Variants in PLA2G5 observed in about 807,000 individuals in gnomAD.
The protein encoded by PLA2G5 is phospholipase A2 group V.
A neutral mutation model predicts 15.9 loss-of-function variants in PLA2G5; 12 were observed. That is an observed-to-expected ratio of 0.76 (90% CI 0.48 to 1.23). The LOEUF is 1.23. Among genes scored for constraint, PLA2G5 ranks in the 50% most tolerant of loss-of-function variants. The pLI is 0.00. For synonymous variants in PLA2G5, 71 were observed against 71.4 expected (o/e 0.99, Z 0.03); for missense variants, 169 against 177.1 (o/e 0.95, Z 0.26).
intron 2 of PLA2G5, chr1:20,063,379 A>T (rs2014840368): frequency 6.6e-6 from 1 of 152,104 alleles, no homozygotes; most frequent in South Asian, 2.1e-4. Context: ...CTCCAGTCAA[A>T]TGTCTCTGAG....
chr1:20,074,557 G>GATT (rs1171285332), intron 1 of PLA2G5, among the ~76,000 whole-genome samples: 5 of 152,186 alleles, frequency 3.3e-5, no homozygotes, highest in African/African-American at 4.8e-5. Context: ...AACACTTAAA[G>GATT]ATTAAGTTCC....
intron 1 of PLA2G5, among the ~76,000 whole-genome samples, chr1:20,078,442 T>C (rs568890437): frequency 2.9e-4 from 44 of 152,054 alleles, no homozygotes; most frequent in African/African-American, 1.0e-3. Context: ...GGGAAGAAAC[T>C]GGTTGAGAAG....
chr1:20,072,221 G>C (rs780142971), intron 1 of PLA2G5, among the ~76,000 whole-genome samples: 4 of 151,898 alleles, frequency 2.6e-5, no homozygotes, highest in African/African-American at 9.7e-5. Context: ...CCATTTCATC[G>C]ATCACCACCT....
At chr1:20,051,467 C>G (rs1332370252) in intron 1 of PLA2G5, among the ~76,000 whole-genome samples, 1 of 152,140 alleles carries the variant, frequency 6.6e-6, no homozygotes, top group African/African-American at 2.4e-5. Context: ...TTTTCAGAGT[C>G]AAGGACAATT....
At chr1:20,071,377 C>T (rs1442307733) in intron 1 of PLA2G5, among the ~76,000 whole-genome samples, 2 of 152,202 alleles carry the variant, frequency 1.3e-5, no homozygotes, top group African/African-American at 4.8e-5. Flanking sequence ...CAAGGATTCA[C>T]AGTCTAGTTT....
At position 20,090,852 on chromosome 1, in the gene PLA2G5, G is replaced by A. The variant is rs1042031784; in HGVS notation, c.*160G>A. ...CCAGGGCCACACTGTACCCTCCAGC[G>A]AGTCCCAGGAGAGTGACTCTGGTCA... On this transcript the variant is annotated 3_prime_UTR_variant, in exon 5 of 5. Coordinates refer to ENST00000375108, the MANE Select transcript of PLA2G5 (RefSeq NM_000929.3). The A allele has an allele frequency of 2.8e-5, 19 of 684,018 alleles. No homozygotes were observed. Among genetic ancestry groups the A allele is most frequent in the South Asian group, 2.6e-4 (14 of 53,406 alleles). The allele number at this position is 684,018 out of a possible 1,614,324, so 42.4% of individuals were successfully genotyped here. A position where few individuals can be genotyped will look rare whatever the true frequency, so the allele number is the denominator to read the frequency against.
At chr1:20,057,273 CT>C (rs1569709805) in intron 1 of PLA2G5, among the ~76,000 whole-genome samples, 2 of 148,868 alleles carry the variant, frequency 1.3e-5, no homozygotes, top group South Asian at 2.1e-4. Context: ...ATTTGCTCTC[CT>C]TTTTTTATTT....
At chr1:20,031,681 G>A (rs2012952820) in intron 1 of PLA2G5, among the ~76,000 whole-genome samples, 1 of 147,516 alleles carries the variant, frequency 6.8e-6, no homozygotes, top group Admixed American at 6.7e-5. Context: ...TGTGGGGAGG[G>A]AATTTCTGGA....
At chr1:20,054,382 G>A (rs908376314) in intron 1 of PLA2G5, among the ~76,000 whole-genome samples, 1 of 152,014 alleles carries the variant, frequency 6.6e-6, no homozygotes, top group Non-Finnish European at 1.5e-5. Context: ...ATTTTTGGTT[G>A]GTTCTTCCTG....
At chr1:20,078,166 CT>C (rs1371069800) in intron 1 of PLA2G5, among the ~76,000 whole-genome samples, 1 of 152,050 alleles carries the variant, frequency 6.6e-6, no homozygotes, top group Non-Finnish European at 1.5e-5. Context: ...GATGAGTGCC[CT>C]GAAGGACTGA....
In PLA2G5 at chr1:20,034,592, G is replaced by A. The variant is rs114239388; in HGVS notation, n.276+5883G>A. Among the ~76,000 whole-genome samples the A allele has an allele frequency of 5.6e-3, 859 of 152,244 alleles. 6 individuals carry two copies. Among genetic ancestry groups the A allele is most frequent in the Middle Eastern group, 0.017 (5 of 294 alleles). On this transcript the variant is annotated intron_variant and non_coding_transcript_variant, in intron 1 of 6. Coordinates refer to the PLA2G5 transcript ENST00000460175. ...GGCTTGAGAACTTGAGCTTGTAAAA[G>A]TTTACAGATAGTAGGTTTGAGGCCC...
Position 20,078,345 on chromosome 1 carries a change from C to T in PLA2G5, c.-10-6476C>T, listed in dbSNP as rs11573232. Among the ~76,000 whole-genome samples the T allele has an allele frequency of 3.3e-3, 500 of 150,678 alleles. 3 individuals are homozygous for T. Among genetic ancestry groups the T allele is most frequent in the African/African-American group, 0.012 (479 of 40,336 alleles). On this transcript the variant is annotated intron_variant, in intron 1 of 4. Coordinates refer to ENST00000375108, the MANE Select transcript of PLA2G5 (RefSeq NM_000929.3). Reference sequence around the variant, plus strand: ...TAGAGAAAAAAAGAAGTAGAATTGTCCCTAGAGGCAAGGGATTTTTTTTTC... The same window carrying T: ...TAGAGAAAAAAAGAAGTAGAATTGTTCCTAGAGGCAAGGGATTTTTTTTTC...
intron 1 of PLA2G5, among the ~76,000 whole-genome samples, chr1:20,036,090 T>C (rs1253488986): frequency 2.6e-5 from 4 of 152,210 alleles, no homozygotes; most frequent in Non-Finnish European, 4.4e-5. Flanking sequence ...GCTTGTAGGG[T>C]TTCTGCTGAG....
At chr1:20,079,609 C>T (rs564283477) in intron 1 of PLA2G5, among the ~76,000 whole-genome samples, 123 of 152,310 alleles carry the variant, frequency 8.1e-4, no homozygotes, top group Non-Finnish European at 1.3e-3. Flanking sequence ...CTCCTGGGCT[C>T]GGGCCATCCT....
At chr1:20,077,330 T>C (rs537655904) in intron 1 of PLA2G5, among the ~76,000 whole-genome samples, 10 of 152,332 alleles carry the variant, frequency 6.6e-5, no homozygotes, top group Admixed American at 3.3e-4. Context: ...CCAAGGGTTA[T>C]TGGGATAGAA....
chr1:20,081,355 G>A (rs1249052988), intron 1 of PLA2G5, among the ~76,000 whole-genome samples: 2 of 151,774 alleles, frequency 1.3e-5, no homozygotes, highest in Non-Finnish European at 2.9e-5. Flanking sequence ...CCAGGGTGTG[G>A]GTTTTCTCCA....
At chr1:20,042,789 G>T (rs1049009989) in intron 1 of PLA2G5, among the ~76,000 whole-genome samples, 1 of 152,104 alleles carries the variant, frequency 6.6e-6, no homozygotes, top group Non-Finnish European at 1.5e-5. Flanking sequence ...TCAGCAGGGA[G>T]ACCACGTGTG....
At chr1:20,044,303 T>C (rs999852478) in intron 1 of PLA2G5, among the ~76,000 whole-genome samples, 3 of 152,156 alleles carry the variant, frequency 2.0e-5, no homozygotes, top group Admixed American at 2.0e-4. Flanking sequence ...CAGAAATGCA[T>C]TACTGTCTAG....
Position 20,090,810 on chromosome 1 carries a change from C to T in PLA2G5, c.*118C>T, listed in dbSNP as rs1180743429. ...CTAAGTCACAGACCTCAGTCTTTCT[C>T]GAAGCTTGGCGGACCCCCAGGGCCA... On this transcript the variant is annotated 3_prime_UTR_variant, in exon 5 of 5. Coordinates refer to ENST00000375108, the MANE Select transcript of PLA2G5 (RefSeq NM_000929.3). The T allele has an allele frequency of 4.7e-6, 5 of 1,074,960 alleles. No individual in the cohort carries two copies. The highest frequency in any genetic ancestry group is 1.6e-5 in the African/African-American group (1 of 64,164). 66.6% of individuals were successfully genotyped at this position (1,074,960 alleles called of 1,614,324 possible).
Sources: allele counts gnomAD v4.1 joint callset (sites outside exome capture counted in the v4.1 genomes callset), GRCh38; gene constraint gnomAD v4.1.1; transcripts MANE v1.5; gene names NCBI Gene and HGNC (gene_info 2026-07-23, HGNC 2026-07-21).